DACH2: variants seen among roughly 807,000 people sequenced by gnomAD.
DACH2 encodes dachshund family transcription factor 2.
In DACH2, 17 loss-of-function variants were observed where a neutral mutation model predicts 35.8. The observed-to-expected ratio is 0.48, with a 90% CI of 0.33 to 0.71. DACH2 has a LOEUF of 0.71. Ranked by LOEUF, DACH2 falls within the 30% of genes least tolerant of loss-of-function variation. The pLI, the probability that DACH2 is intolerant of heterozygous loss-of-function variation, is 0.02. For missense variants in DACH2, 469 were observed against 472.7 expected (o/e 0.99, Z 0.07); for synonymous variants, 195 against 177.3 (o/e 1.10, Z -0.79).
intron 1 of DACH2, among the ~76,000 whole-genome samples, chrX:86,260,751 G>C (rs1368484457): frequency 2.7e-5 from 3 of 111,517 alleles, no homozygotes; most frequent in Admixed American, 1.9e-4. Flanking sequence ...TGCAAAATCT[G>C]AGCCTCTGGG....
chrX:86,789,315 T>C (rs1478403139), intron 7 of DACH2, among the ~76,000 whole-genome samples: 1 of 111,972 alleles, frequency 8.9e-6, no homozygotes, highest in African/African-American at 3.2e-5. Flanking sequence ...CAGCAACAGG[T>C]ATTCAATCTT....
At chrX:86,482,474 G>C (rs913596323) in intron 2 of DACH2, among the ~76,000 whole-genome samples, 1 of 110,743 alleles carries the variant, frequency 9.0e-6, no homozygotes, top group Non-Finnish European at 1.9e-5. Flanking sequence ...CTTTGCTATT[G>C]TGAATAATGC....
chrX:86,403,874 G>A (rs944174265), intron 2 of DACH2, among the ~76,000 whole-genome samples: 3 of 111,052 alleles, frequency 2.7e-5, no homozygotes, highest in African/African-American at 9.8e-5. Context: ...ACTTCTGTAG[G>A]GCTTGGGAGG....
At chrX:86,355,300 G>A (rs1219303691) in intron 1 of DACH2, among the ~76,000 whole-genome samples, 1 of 111,716 alleles carries the variant, frequency 9.0e-6, no homozygotes, top group African/African-American at 3.3e-5. Context: ...TTGCTATTGT[G>A]AATAGTGTGG....
intron 3 of DACH2, among the ~76,000 whole-genome samples, chrX:86,613,357 C>A (rs1408519281): frequency 1.8e-5 from 2 of 111,076 alleles, no homozygotes; most frequent in Admixed American, 9.6e-5. Flanking sequence ...ATCTGCATAT[C>A]TCTTATGTTT....
chrX:86,793,628 A>T (rs2042208627), intron 7 of DACH2, among the ~76,000 whole-genome samples: 2 of 112,008 alleles, frequency 1.8e-5, no homozygotes, highest in African/African-American at 6.5e-5. Flanking sequence ...AATTCCAAAA[A>T]TTCTGAATTT....
chrX:86,348,974 A>G (rs1421485916), intron 1 of DACH2, among the ~76,000 whole-genome samples: 13 of 112,273 alleles, frequency 1.2e-4, no homozygotes, highest in Non-Finnish European at 2.3e-4. Context: ...CCCAGTGGGC[A>G]TGCTACAGTG....
At chrX:86,379,760 C>T (rs927141302) in intron 2 of DACH2, among the ~76,000 whole-genome samples, 39 of 110,811 alleles carry the variant, frequency 3.5e-4, no homozygotes, top group African/African-American at 1.2e-3. Flanking sequence ...CACAAACACA[C>T]GTGAAAGATG....
chrX:86,810,913 T>G (rs182436899), intron 7 of DACH2, among the ~76,000 whole-genome samples: 1 of 111,667 alleles, frequency 9.0e-6, no homozygotes, highest in African/African-American at 3.2e-5. Context: ...TAAATAGAGT[T>G]ACGTAACTAG....
At chrX:86,739,651 A>G (rs2041632881) in intron 6 of DACH2, 96 bp from the exon 7 acceptor site, 1 of 1,027,826 alleles carries the variant, frequency 9.7e-7, no homozygotes. Flanking sequence ...CACTTTCACA[A>G]TAAGTGAGAG....
intron 7 of DACH2, among the ~76,000 whole-genome samples, chrX:86,783,482 T>G (rs1041348663): frequency 5.4e-5 from 6 of 112,113 alleles, no homozygotes; most frequent in African/African-American, 1.9e-4. Flanking sequence ...TTTGCAGCAC[T>G]GTTTACAGTA....
intron 3 of DACH2, among the ~76,000 whole-genome samples, chrX:86,592,157 GT>G (rs1405273697): frequency 4.5e-5 from 5 of 111,497 alleles, no homozygotes; most frequent in Non-Finnish European, 9.4e-5. Context: ...ATAATTTTGT[GT>G]TTTATATTCA....
Position 86,761,037 on chromosome X carries a change from T to A in DACH2, c.1240+21155T>A, listed in dbSNP as rs756238697. Among the ~76,000 whole-genome samples the A allele has an allele frequency of 3.6e-5, 4 of 111,824 alleles. No homozygotes were observed. In the South Asian group the frequency reaches 1.5e-3, roughly 42 times the overall value. On this transcript the variant is annotated intron_variant, in intron 7 of 11. Transcript: ENST00000373125. ...TTTCTTTTTGCTTTGTTTTTTAATT[T>A]TTTATTTTACTTTAAGTTCTGGGAT...
chrX:86,328,184 C>T (rs1372326475), intron 1 of DACH2, among the ~76,000 whole-genome samples: 1 of 111,442 alleles, frequency 9.0e-6, no homozygotes, highest in African/African-American at 3.3e-5. Flanking sequence ...AAGCAGGGTA[C>T]CATATTCCTT....
intron 3 of DACH2, among the ~76,000 whole-genome samples, chrX:86,579,096 G>GTT (rs770568711): frequency 9.8e-6 from 1 of 102,439 alleles, no homozygotes; most frequent in Non-Finnish European, 2.0e-5. Flanking sequence ...TCACTTTTTA[G>GTT]TTTTTTTTTT....
intron 3 of DACH2, among the ~76,000 whole-genome samples, chrX:86,574,385 G>A (rs2039410404): frequency 9.0e-6 from 1 of 111,065 alleles, no homozygotes; most frequent in Non-Finnish European, 1.9e-5. Flanking sequence ...CATTTAATTG[G>A]TGAAGCCTGC....
chrX:86,768,802 C>T (rs902880948), intron 7 of DACH2, among the ~76,000 whole-genome samples: 1 of 111,019 alleles, frequency 9.0e-6, no homozygotes, highest in African/African-American at 3.3e-5. Flanking sequence ...CTCTATACTT[C>T]CCCTGTTTTG....
chrX:86,571,172 A>T (rs1308484561), intron 3 of DACH2, among the ~76,000 whole-genome samples: 1 of 111,135 alleles, frequency 9.0e-6, no homozygotes, highest in African/African-American at 3.3e-5. Context: ...CAATTTTCCC[A>T]GAATCATTTG....
At chrX:86,520,123 C>G (rs972249610) in intron 3 of DACH2, among the ~76,000 whole-genome samples, 5 of 111,597 alleles carry the variant, frequency 4.5e-5, no homozygotes, top group African/African-American at 1.6e-4. Context: ...TCTTTATTTT[C>G]AAAGTACTTT....
Sources: allele counts gnomAD v4.1 joint callset (sites outside exome capture counted in the v4.1 genomes callset), GRCh38; gene constraint gnomAD v4.1.1; transcripts MANE v1.5; gene names NCBI Gene and HGNC (gene_info 2026-07-23, HGNC 2026-07-21).